The following TMC1 variants were observed in gnomAD, a reference collection of about 807,000 sequenced individuals.
TMC1 encodes the protein transmembrane channel-like protein 1.
Under a neutral mutation model 105.8 loss-of-function variants are expected in TMC1, and 84 were observed. That is an observed-to-expected ratio of 0.79 (90% CI 0.67 to 0.95). TMC1 has a LOEUF of 0.95. Among genes scored for constraint, TMC1 ranks in the 40% least tolerant of loss-of-function variants. The pLI, the probability that TMC1 is intolerant of heterozygous loss-of-function variation, is 0.00. For missense variants in TMC1, 817 were observed against 914.1 expected, an observed-to-expected ratio of 0.89 and a Z score of 1.37; for synonymous variants, 315 against 311.5, an observed-to-expected ratio of 1.01 and a Z score of -0.12.
chr9:72,769,216 G>T (rs913328244), intron 12 of TMC1, among the ~76,000 whole-genome samples: 2 of 152,162 alleles, frequency 1.3e-5, no homozygotes, highest in Non-Finnish European at 1.5e-5. Flanking sequence ...TGTAAAATAG[G>T]TATAGTGATA....
intron 1 of TMC1, among the ~76,000 whole-genome samples, chr9:72,552,504 T>C (rs1823874740): frequency 6.6e-6 from 1 of 152,104 alleles, no homozygotes; most frequent in African/African-American, 2.4e-5. Context: ...ACTGTTGTAT[T>C]TGGGGGACAC....
At chr9:72,566,540 C>G (rs1824157429) in intron 1 of TMC1, among the ~76,000 whole-genome samples, 2 of 152,200 alleles carry the variant, frequency 1.3e-5, no homozygotes, top group East Asian at 1.9e-4. Flanking sequence ...AAATGGACCA[C>G]AGAGGTTCAG....
At chr9:72,606,706 A>T (rs1824919790) in intron 2 of TMC1, among the ~76,000 whole-genome samples, 1 of 152,164 alleles carries the variant, frequency 6.6e-6, no homozygotes, top group Admixed American at 6.5e-5. Context: ...AAGTGCTGCA[A>T]ATATTAGTGA....
At chr9:72,727,691 A>AT (rs779915512) in intron 8 of TMC1, among the ~76,000 whole-genome samples, 5 of 152,100 alleles carry the variant, frequency 3.3e-5, no homozygotes, top group Non-Finnish European at 5.9e-5. Context: ...TTTAAGATTC[A>AT]TTTGTGTGTT....
chr9:72,531,659 T>C (rs1823498857), intron 1 of TMC1, among the ~76,000 whole-genome samples: 1 of 152,242 alleles, frequency 6.6e-6, no homozygotes, highest in South Asian at 2.1e-4. Context: ...AACAGTTTAC[T>C]GTTAATCCGT....
At chr9:72,833,914 G>A (rs1271141991) in intron 23 of TMC1, among the ~76,000 whole-genome samples, 3 of 151,986 alleles carry the variant, frequency 2.0e-5, no homozygotes, top group Admixed American at 2.0e-4. Context: ...TTTCATGATG[G>A]TGTATCTTGC....
At chr9:72,767,262 AC>A (rs1827854219) in intron 12 of TMC1, among the ~76,000 whole-genome samples, 2 of 152,170 alleles carry the variant, frequency 1.3e-5, no homozygotes, top group South Asian at 4.1e-4. Flanking sequence ...TTTACTTTAT[AC>A]ATTCTTTCAA....
chr9:72,656,404 A>T (rs1272350432), intron 5 of TMC1, among the ~76,000 whole-genome samples: 1 of 152,062 alleles, frequency 6.6e-6, no homozygotes, highest in Admixed American at 6.5e-5. Context: ...GCCAATATCT[A>T]ATCTAAAGTT....
intron 8 of TMC1, among the ~76,000 whole-genome samples, chr9:72,717,749 G>T (rs981928773): frequency 1.3e-5 from 2 of 152,096 alleles, no homozygotes; most frequent in East Asian, 3.9e-4. Flanking sequence ...CTTGACTTTA[G>T]ATAACCTGAT....
chr9:72,594,603 T>A (rs988310475), intron 2 of TMC1, among the ~76,000 whole-genome samples: 2 of 152,178 alleles, frequency 1.3e-5, no homozygotes, highest in African/African-American at 2.4e-5. Context: ...TTCGCTATGA[T>A]AATGGGAAAG....
intron 13 of TMC1, among the ~76,000 whole-genome samples, chr9:72,787,017 C>CAA (rs79774726): frequency 1.6e-4 from 16 of 101,762 alleles, no homozygotes; most frequent in African/African-American, 4.0e-4. Flanking sequence ...TTTTGGCCTC[C>CAA]AAAAAAAAAA....
intron 5 of TMC1, among the ~76,000 whole-genome samples, chr9:72,668,958 C>T (rs1241340367): frequency 1.3e-5 from 2 of 152,158 alleles, no homozygotes; most frequent in Non-Finnish European, 2.9e-5. Flanking sequence ...CAGTTTTTGT[C>T]TCCCTACAAC....
At chr9:72,593,610 T>C (rs1824672265) in intron 2 of TMC1, among the ~76,000 whole-genome samples, 1 of 151,748 alleles carries the variant, frequency 6.6e-6, no homozygotes, top group Admixed American at 6.6e-5. Flanking sequence ...CAGGCTGGTC[T>C]TGAACGCCCG....
chr9:72,676,606 A>C (rs893419682), intron 5 of TMC1, among the ~76,000 whole-genome samples: 1 of 152,178 alleles, frequency 6.6e-6, no homozygotes, highest in African/African-American at 2.4e-5. Flanking sequence ...GCCAAAACTC[A>C]AACATGTCTC....
chr9:72,654,622 C>T (rs1331523292), intron 5 of TMC1, among the ~76,000 whole-genome samples: 1 of 151,962 alleles, frequency 6.6e-6, no homozygotes, highest in East Asian at 1.9e-4. Flanking sequence ...TATCAGTTCC[C>T]CATCCTGTAC....
At chr9:72,651,217 C>T (rs952292490) in intron 5 of TMC1, 2 of 151,730 alleles carry the variant, frequency 1.3e-5, no homozygotes, top group Non-Finnish European at 2.9e-5. Flanking sequence ...TTGAAATACT[C>T]TGCACAGAAT....
chr9:72,672,642 C>A (rs1225753699), intron 5 of TMC1, among the ~76,000 whole-genome samples: 1 of 151,812 alleles, frequency 6.6e-6, no homozygotes, highest in Non-Finnish European at 1.5e-5. Context: ...ATTTCAGGAC[C>A]TTTTTCTGAA....
intron 10 of TMC1, among the ~76,000 whole-genome samples, chr9:72,748,332 TGAAACAG>T (rs1241069211): frequency 1.3e-5 from 2 of 152,170 alleles, no homozygotes; most frequent in Non-Finnish European, 2.9e-5. Flanking sequence ...AATTGGTGTT[TGAAACAG>T]TGATTCACTA....
chr9:72,621,624 G>C (rs186925398), intron 3 of TMC1, among the ~76,000 whole-genome samples: 1 of 151,924 alleles, frequency 6.6e-6, no homozygotes, highest in Non-Finnish European at 1.5e-5. Flanking sequence ...CTACAGAAAG[G>C]CTGTACAGCA....
Sources: gnomAD v4.1 joint callset for allele counts (sites outside exome capture counted in the v4.1 genomes callset) on GRCh38, gnomAD v4.1.1 for gene constraint, MANE v1.5 for transcripts, NCBI Gene and HGNC (gene_info 2026-07-23, HGNC 2026-07-21) for gene names.